Variants in ACTN2 observed in about 807,000 individuals in gnomAD.
The protein encoded by ACTN2 is actinin alpha 2.
ACTN2 carries 39 observed loss-of-function variants against 113.8 expected under a neutral mutation model. The ratio of observed to expected loss-of-function variants is 0.34; its 90% CI spans 0.27 to 0.45. The LOEUF (loss-of-function observed/expected upper bound fraction) is 0.45, where lower values mean the gene tolerates loss of function less well. Ranked by LOEUF, ACTN2 falls within the 20% of genes least tolerant of loss-of-function variation. ACTN2 has a pLI of 1.00. For synonymous variants in ACTN2, 429 were observed against 444.1 expected (o/e 0.97, Z 0.43); for missense variants, 992 against 1,177.9 (o/e 0.84, Z 2.31).
intron 1 of ACTN2, among the ~76,000 whole-genome samples, chr1:236,687,563 A>G (rs1180553460): frequency 1.3e-5 from 2 of 152,370 alleles, no homozygotes; most frequent in East Asian, 1.9e-4. Flanking sequence ...GTCAGACATG[A>G]CAACAGAGAC....
Position 236,688,284 on chromosome 1 carries a change from T to G in ACTN2, c.126+1485T>G, listed in dbSNP as rs1329342968. Among the ~76,000 whole-genome samples the G allele has an allele frequency of 8.5e-5, 13 of 152,138 alleles. 1 individual carries two copies. Among genetic ancestry groups the G allele is most frequent in the Admixed American group, 7.9e-4 (12 of 15,274 alleles). ...GGTCTTTGTTTTAAAAATTGCTTTC[T>G]TATGAGGAATTGTAAAATAGCTAAG... On this transcript the variant is annotated intron_variant, in intron 1 of 20. Coordinates refer to ENST00000366578, the MANE Select transcript of ACTN2 (RefSeq NM_001103.4).
chr1:236,734,483 T>C, intron 7 of ACTN2: 1 of 1,535,882 alleles, frequency 6.5e-7, no homozygotes, highest in South Asian at 1.2e-5. Context: ...GACTTATGTT[T>C]CCTGTTACTA....
rs1284785729 is a variant in ACTN2 at position 236,758,315 on chromosome 1, C to G, written c.2301+683C>G. 3.7e-5 allele frequency among the ~76,000 whole-genome samples: 5 copies of G among 134,802 alleles called. 1 individual carries two copies. Among genetic ancestry groups the G allele is most frequent in the Non-Finnish European group, 7.9e-5 (5 of 63,286 alleles). The allele number at this position is 134,802 out of a possible 152,430, so 88.4% of individuals were successfully genotyped here. The stretch of plus-strand genomic sequence containing the variant: ...TTTTTTTTTTTTAATGAGACGGAGT[C>G]TCGCTCTGTCACCAGGCTGGAGTGC... On this transcript the variant is annotated intron_variant, in intron 18 of 20. Transcript: ENST00000366578.
rs75308191 is a variant in ACTN2, at chr1:236,758,184, C to T, written c.2301+552C>T. Among the ~76,000 whole-genome samples, 933 of 151,864 alleles carry T rather than the reference C, an allele frequency of 6.1e-3. 10 individuals carry two copies. The highest frequency in any genetic ancestry group is 0.022 in the African/African-American group (902 of 41,308). On this transcript the variant is annotated intron_variant, in intron 18 of 20. Transcript: ENST00000366578. ...TGCTTTAAAAATATCATCTAGTATT[C>T]TGATTTGAATAATATTGAGTAGAAC...
chr1:236,709,218 C>CTGTGTGTATATATATA (rs200979652), intron 1 of ACTN2, among the ~76,000 whole-genome samples: 1 of 57,294 alleles, frequency 1.7e-5, no homozygotes, highest in African/African-American at 6.6e-5. Flanking sequence ...TGACAAATGA[C>CTGTGTGTATATATATA]TGTATATATA....
At chr1:236,704,540 G>C (rs1044605575) in intron 1 of ACTN2, among the ~76,000 whole-genome samples, 1 of 152,140 alleles carries the variant, frequency 6.6e-6, no homozygotes, top group African/African-American at 2.4e-5. Flanking sequence ...CTTAAAATTG[G>C]GGTTCTCATG....
chr1:236,734,089 G>A (rs1309873392), intron 7 of ACTN2, among the ~76,000 whole-genome samples: 5 of 152,172 alleles, frequency 3.3e-5, no homozygotes, highest in Non-Finnish European at 1.5e-5. Context: ...CATGTGTGTA[G>A]TAATAGAAAG....
At chr1:236,736,982 C>G in intron 8 of ACTN2, 140 bp from the exon 9 acceptor site, 1 of 700,536 alleles carries the variant, frequency 1.4e-6, no homozygotes, top group Non-Finnish European at 2.6e-6. Context: ...TGCCTTCAGT[C>G]TGACCGCACC....
intron 1 of ACTN2, among the ~76,000 whole-genome samples, chr1:236,717,193 C>T (rs1658244790): frequency 6.6e-6 from 1 of 151,800 alleles, no homozygotes. Context: ...CCTGTAATCC[C>T]AGCACTTTGG....
In ACTN2 at chr1:236,744,677, A is replaced by T. The variant is rs199955427; in HGVS notation, c.1307A>T (p.Glu436Val). 4 of 1,614,230 alleles carry T rather than the reference A, an allele frequency of 2.5e-6. No individual in the cohort carries two copies. The highest frequency in any genetic ancestry group is 3.4e-6 in the Non-Finnish European group (4 of 1,180,044). The change falls in exon 12 of 21, where the codon GAG (glutamate) becomes GTG (valine). Residue 436 changes from glutamate to valine, a missense_variant. Around this residue, in one of 3 missense-constraint regions of ACTN2, gnomAD observed 736 missense variants for 815.4 expected, o/e 0.90. Coordinates refer to ENST00000366578, the MANE Select transcript of ACTN2 (RefSeq NM_001103.4). ...QKDYESASLT[E>V]VRALLRKHEA... is the part of the protein sequence containing the mutation. ...GATTACGAGTCGGCGTCGCTGACAG[A>T]GGTGCGGGCTCTGCTGCGGAAGCAC...
chr1:236,735,814 C>A (rs1415928624), intron 8 of ACTN2, 94 bp downstream of exon 8: 2 of 1,104,662 alleles, frequency 1.8e-6, no homozygotes, highest in East Asian at 2.5e-5. Context: ...CGCTTCACAT[C>A]TTACCTTGGA....
chr1:236,743,808 G>T (rs896064606), intron 11 of ACTN2, among the ~76,000 whole-genome samples: 1 of 152,196 alleles, frequency 6.6e-6, no homozygotes, highest in African/African-American at 2.4e-5. Context: ...GCAGCTGTGT[G>T]CCCCGGATGA....
intron 15 of ACTN2, 92 bp from the exon 16 acceptor site, chr1:236,753,855 A>ACCCC: frequency 2.0e-6 from 1 of 492,256 alleles, no homozygotes; most frequent in East Asian, 8.2e-5. Flanking sequence ...CTCCACTCCC[A>ACCCC]CCCCCACCCC....
intron 17 of ACTN2, 100 bp from the exon 18 acceptor site, chr1:236,757,386 A>C: frequency 6.9e-7 from 1 of 1,457,666 alleles, no homozygotes; most frequent in Non-Finnish European, 9.6e-7. Context: ...AGCCCTGCTT[A>C]GTAAGCCCTT....
At chr1:236,743,421 A>G (rs1659132081) in intron 11 of ACTN2, among the ~76,000 whole-genome samples, 1 of 152,246 alleles carries the variant, frequency 6.6e-6, no homozygotes, top group Non-Finnish European at 1.5e-5. Flanking sequence ...ATTAAATGCC[A>G]CAGAGCAACA....
At chr1:236,700,606 C>T (rs1657644909) in intron 1 of ACTN2, among the ~76,000 whole-genome samples, 1 of 152,198 alleles carries the variant, frequency 6.6e-6, no homozygotes, top group Admixed American at 6.5e-5. Context: ...CTTAGCTCCA[C>T]TGACCATTGC....
chr1:236,709,558 C>G (rs557336839), intron 1 of ACTN2, among the ~76,000 whole-genome samples: 3 of 151,528 alleles, frequency 2.0e-5, no homozygotes, highest in African/African-American at 7.3e-5. Context: ...TGTCCCACCC[C>G]ACAGGATGCA....
At chr1:236,709,249 T>TAC (rs1176757842) in intron 1 of ACTN2, among the ~76,000 whole-genome samples, 1,069 of 89,094 alleles carry the variant, frequency 0.012, 30 homozygotes, top group African/African-American at 0.037. Context: ...TATATATATA[T>TAC]ATATATACAC....
chr1:236,762,617 T>G lies in ACTN2; in HGVS notation c.2683T>G (p.Ter895GlyextTer2). Residue 895 changes from the stop codon to glycine (G), a stop_lost, in exon 21 of 21, where the codon TGA (stop) becomes GGA (glycine). Transcript: ENST00000366578. ...CGCACTCTACGGGGAGAGCGATCTG[T>G]GATGCTGAGCTTCTGTAATCACTCA... is the stretch of plus-strand genomic sequence containing the variant. ...SSALYGESDL* is the reference protein window; with the variant it reads ...SSALYGESDLG The G allele has an allele frequency of 6.2e-7, 1 of 1,613,962 alleles. No individual in the cohort carries two copies. The highest frequency in any genetic ancestry group is 1.1e-5 in the South Asian group (1 of 91,032).
Sources: gnomAD v4.1 joint callset for allele counts (sites outside exome capture counted in the v4.1 genomes callset) on GRCh38, gnomAD v4.1.1 for gene constraint, gnomAD v4.1.1 regional missense constraint, MANE v1.5 for transcripts, NCBI Gene and HGNC (gene_info 2026-07-23, HGNC 2026-07-21) for gene names.